The following SNX9 variants were observed in gnomAD, a reference collection of about 807,000 sequenced individuals.
The protein encoded by SNX9 is sorting nexin-9.
A neutral mutation model predicts 89.4 loss-of-function variants in SNX9; 44 were observed. The ratio of observed to expected loss-of-function variants is 0.49; its 90% CI spans 0.39 to 0.63. SNX9 has a LOEUF of 0.63. SNX9 is among the 30% of genes least tolerant of loss of function. SNX9 has a pLI of 0.00. For missense variants in SNX9, 578 were observed against 736.1 expected, an observed-to-expected ratio of 0.79 and a Z score of 2.49; for synonymous variants, 236 against 247.8, an observed-to-expected ratio of 0.95 and a Z score of 0.45.
intron 5 of SNX9, among the ~76,000 whole-genome samples, chr6:157,901,639 T>A (rs1369405940): frequency 6.6e-6 from 1 of 152,042 alleles, no homozygotes; most frequent in African/African-American, 2.4e-5. Context: ...GTCAAAAATT[T>A]AAAAGTAATC....
At chr6:157,869,009 C>T (rs1782332380) in intron 2 of SNX9, among the ~76,000 whole-genome samples, 1 of 152,236 alleles carries the variant, frequency 6.6e-6, no homozygotes, top group Non-Finnish European at 1.5e-5. Flanking sequence ...GAGAGGTACC[C>T]TGGAGATACA....
chr6:157,870,503 CACAT>C (rs1562599964), intron 2 of SNX9, among the ~76,000 whole-genome samples: 1 of 141,734 alleles, frequency 7.1e-6, no homozygotes, highest in Non-Finnish European at 1.5e-5. Context: ...CCTGCTCTCA[CACAT>C]ACATGCACTC....
intron 1 of SNX9, among the ~76,000 whole-genome samples, chr6:157,826,316 G>T (rs2115100173): frequency 6.6e-6 from 1 of 152,054 alleles, no homozygotes; most frequent in Non-Finnish European, 1.5e-5. Context: ...GGCTAACACG[G>T]TGAAACTCCA....
intron 4 of SNX9, among the ~76,000 whole-genome samples, chr6:157,887,830 A>T (rs942739857): frequency 6.6e-6 from 1 of 152,182 alleles, no homozygotes; most frequent in South Asian, 2.1e-4. Flanking sequence ...GCGCCTGAAA[A>T]GGATGCTGTC....
At position 157,942,905 on chromosome 6, in the gene SNX9, T is replaced by A; in HGVS notation, c.*67T>A. 1 of 1,476,054 alleles carries A rather than the reference T, an allele frequency of 6.8e-7. No homozygotes were observed. The highest frequency in any genetic ancestry group is 1.3e-5 in the South Asian group (1 of 78,284). The allele number at this position is 1,476,054 out of a possible 1,614,324, so 91.4% of individuals were successfully genotyped here. ...GACTTGGGGCAATGCAATTCAAAAC[T>A]TTTTTTCCCCTATTATTCAGAAAAA... On this transcript the variant is annotated 3_prime_UTR_variant, in exon 18 of 18. Transcript: ENST00000392185.
intron 6 of SNX9, among the ~76,000 whole-genome samples, chr6:157,903,533 G>A (rs548291200): frequency 1.3e-5 from 2 of 152,350 alleles, no homozygotes; most frequent in African/African-American, 4.8e-5. Flanking sequence ...GTCATGGTCA[G>A]TAGTGATGTG....
chr6:157,937,591 G>C, intron 15 of SNX9, 68 bp downstream of exon 15: 1 of 1,045,082 alleles, frequency 9.6e-7, no homozygotes, highest in Non-Finnish European at 1.5e-6. Context: ...GCAGTAGTCA[G>C]TATTGGTTTT....
At chr6:157,849,024 A>G (rs914049234) in intron 1 of SNX9, among the ~76,000 whole-genome samples, 4 of 152,172 alleles carry the variant, frequency 2.6e-5, no homozygotes, top group African/African-American at 9.7e-5. Flanking sequence ...CAGCAGTAGG[A>G]TCACTTGAGC....
rs540919608 is a variant in SNX9 at position 157,912,637 on chromosome 6, C to T, written c.949+2612C>T. ...CATTATTATGTAAGAATTCCCCTCT[C>T]GCTCAACTACTGGAGAAAAGAAAAA... On this transcript the variant is annotated intron_variant, in intron 9 of 17. Coordinates refer to ENST00000392185, the MANE Select transcript of SNX9 (RefSeq NM_016224.5). 1.2e-4 allele frequency among the ~76,000 whole-genome samples: 18 copies of T among 152,262 alleles called. 1 individual carries two copies. The highest frequency in any genetic ancestry group is 4.1e-4 in the African/African-American group (17 of 41,550).
chr6:157,836,482 G>C (rs1051432582), intron 1 of SNX9, among the ~76,000 whole-genome samples: 2 of 152,128 alleles, frequency 1.3e-5, no homozygotes, highest in African/African-American at 4.8e-5. Context: ...TGGTAGAGCT[G>C]TGGTACTCTA....
intron 4 of SNX9, among the ~76,000 whole-genome samples, chr6:157,882,367 T>C (rs1288573965): frequency 1.3e-5 from 2 of 152,202 alleles, no homozygotes; most frequent in African/African-American, 4.8e-5. Flanking sequence ...CTGATGGAGA[T>C]GTACATGAAG....
chr6:157,873,183 G>GCTTC lies in SNX9; in HGVS notation c.174+10_174+13dup. On this transcript the variant is annotated splice_region_variant and intron_variant, in intron 3 of 17. Coordinates refer to ENST00000392185, the MANE Select transcript of SNX9 (RefSeq NM_016224.5). The stretch of plus-strand genomic sequence containing the variant: ...TCCCACAGACTACGTTGAAGTAAGA[G>GCTTC]CTTCCTGTCATTCATTCATTAGAGC... 1 of 1,573,394 alleles carries GCTTC rather than the reference G, an allele frequency of 6.4e-7. No homozygotes were observed. Among genetic ancestry groups the GCTTC allele is most frequent in the Non-Finnish European group, 8.6e-7 (1 of 1,159,490 alleles).
chr6:157,921,474 G>A, intron 9 of SNX9, 57 bp from the exon 10 acceptor site: 1 of 1,578,434 alleles, frequency 6.3e-7, no homozygotes, highest in Middle Eastern at 1.7e-4. Flanking sequence ...TTACAGTATG[G>A]TAACAGTCAT....
At chr6:157,920,657 T>C (rs1583238039) in intron 9 of SNX9, among the ~76,000 whole-genome samples, 1 of 152,220 alleles carries the variant, frequency 6.6e-6, no homozygotes, top group Non-Finnish European at 1.5e-5. Flanking sequence ...TGGTTGTTTT[T>C]ATTACTGTTG....
At chr6:157,881,739 C>T (rs1201093029) in intron 4 of SNX9, among the ~76,000 whole-genome samples, 1 of 152,198 alleles carries the variant, frequency 6.6e-6, no homozygotes, top group Non-Finnish European at 1.5e-5. Context: ...AAGCCAAAGC[C>T]TAATGCAGAG....
At chr6:157,940,317 G>T (rs1191803119) in intron 16 of SNX9, among the ~76,000 whole-genome samples, 2 of 152,234 alleles carry the variant, frequency 1.3e-5, no homozygotes, top group African/African-American at 4.8e-5. Flanking sequence ...GTAATAGGCT[G>T]CATTTGGGTG....
intron 7 of SNX9, among the ~76,000 whole-genome samples, chr6:157,908,602 A>G (rs1783267678): frequency 6.6e-6 from 1 of 152,198 alleles, no homozygotes; most frequent in Non-Finnish European, 1.5e-5. Flanking sequence ...AAGCCTGTAC[A>G]TGAGCTCCAG....
intron 17 of SNX9, among the ~76,000 whole-genome samples, chr6:157,942,395 G>C (rs1468500159): frequency 6.6e-6 from 1 of 152,230 alleles, no homozygotes; most frequent in Non-Finnish European, 1.5e-5. Flanking sequence ...GTGACAGCAG[G>C]GTGTGGCCAG....
intron 4 of SNX9, among the ~76,000 whole-genome samples, chr6:157,889,005 A>C (rs1782797324): frequency 6.6e-6 from 1 of 152,106 alleles, no homozygotes; most frequent in Admixed American, 6.5e-5. Flanking sequence ...ATTCAAGAGG[A>C]AGGGGAGGTG....
Sources: allele counts gnomAD v4.1 joint callset (sites outside exome capture counted in the v4.1 genomes callset), GRCh38; gene constraint gnomAD v4.1.1; transcripts MANE v1.5; gene names NCBI Gene and HGNC (gene_info 2026-07-23, HGNC 2026-07-21).